Variants in CSRNP3 observed in about 807,000 individuals in gnomAD.
CSRNP3 encodes the protein cysteine/serine-rich nuclear protein 3.
Under a neutral mutation model 48.0 loss-of-function variants are expected in CSRNP3, and 12 were observed. The ratio of observed to expected loss-of-function variants is 0.25; its 90% CI spans 0.16 to 0.41. CSRNP3 has a LOEUF of 0.41. Among genes scored for constraint, CSRNP3 ranks in the 10% least tolerant of loss-of-function variants. CSRNP3 has a pLI of 1.00. For synonymous variants in CSRNP3, 263 were observed against 269.7 expected (o/e 0.98, Z 0.24); for missense variants, 580 against 724.4 (o/e 0.80, Z 2.29).
intron 6 of CSRNP3, among the ~76,000 whole-genome samples, chr2:165,677,385 C>A (rs535826278): frequency 1.6e-4 from 25 of 152,262 alleles, no homozygotes; most frequent in African/African-American, 5.3e-4. Context: ...AGTTTACCAA[C>A]CCCTGATGAC....
intron 3 of CSRNP3, among the ~76,000 whole-genome samples, chr2:165,531,290 T>G (rs1335362764): frequency 6.6e-6 from 1 of 152,202 alleles, no homozygotes; most frequent in South Asian, 2.1e-4. Flanking sequence ...CCATTTTGAA[T>G]TATTAGGTTG....
In CSRNP3 at chr2:165,684,505, A is replaced by G. The variant is rs149610517; in HGVS notation, c.*4752A>G. The G allele has an allele frequency of 6.6e-6, 1 of 152,204 alleles. No homozygotes were observed. Among genetic ancestry groups the G allele is most frequent in the East Asian group, 1.9e-4 (1 of 5,180 alleles). The allele number at this position is 152,204 out of a possible 1,614,324, so 9.4% of individuals were successfully genotyped here. A position where few individuals can be genotyped will look rare whatever the true frequency, so the allele number is the denominator to read the frequency against. ...AAGGCAAGACTTGTCTGTAATTTTA[A>G]ATTAGAACTGTTGGTTGTATTCTTA... On this transcript the variant is annotated 3_prime_UTR_variant, in exon 7 of 7. Transcript: ENST00000651982.
chr2:165,669,336 T>C (rs1263673616), intron 5 of CSRNP3, among the ~76,000 whole-genome samples: 1 of 152,242 alleles, frequency 6.6e-6, no homozygotes, highest in East Asian at 1.9e-4. Flanking sequence ...ATCTATACTT[T>C]TAGTATTGTT....
intron 3 of CSRNP3, among the ~76,000 whole-genome samples, chr2:165,543,465 A>G (rs1162810659): frequency 6.6e-6 from 1 of 152,124 alleles, no homozygotes; most frequent in Non-Finnish European, 1.5e-5. Flanking sequence ...CACATTTCCA[A>G]TATTATTTAG....
chr2:165,493,559 ACTAAT>A (rs1197649517), intron 1 of CSRNP3, among the ~76,000 whole-genome samples: 3 of 152,088 alleles, frequency 2.0e-5, no homozygotes, highest in Non-Finnish European at 4.4e-5. Context: ...TGTAAACAAA[ACTAAT>A]AAGAGAAAGA....
intron 3 of CSRNP3, among the ~76,000 whole-genome samples, chr2:165,591,790 A>G (rs369603292): frequency 6.6e-6 from 1 of 152,220 alleles, no homozygotes; most frequent in South Asian, 2.1e-4. Context: ...CGCAGGATGT[A>G]TGGAAATGCC....
At chr2:165,534,626 A>G (rs1261954010) in intron 3 of CSRNP3, among the ~76,000 whole-genome samples, 1 of 151,902 alleles carries the variant, frequency 6.6e-6, no homozygotes, top group Non-Finnish European at 1.5e-5. Context: ...GATTTAATAA[A>G]CTATCATAAA....
At chr2:165,647,197 A>G (rs1686827950) in intron 4 of CSRNP3, among the ~76,000 whole-genome samples, 1 of 152,226 alleles carries the variant, frequency 6.6e-6, no homozygotes, top group Admixed American at 6.5e-5. Flanking sequence ...ATAATTCTGA[A>G]AATATTAATG....
chr2:165,628,056 G>T (rs1031855625), intron 4 of CSRNP3, among the ~76,000 whole-genome samples: 3 of 152,272 alleles, frequency 2.0e-5, no homozygotes, highest in Admixed American at 6.5e-5. Context: ...GAAGAGAATG[G>T]TTAGTTTTTA....
At chr2:165,630,788 T>C (rs960905907) in intron 4 of CSRNP3, among the ~76,000 whole-genome samples, 1 of 152,224 alleles carries the variant, frequency 6.6e-6, no homozygotes, top group Non-Finnish European at 1.5e-5. Flanking sequence ...GTAATAAAAT[T>C]GATGATATTT....
intron 4 of CSRNP3, among the ~76,000 whole-genome samples, chr2:165,631,747 G>A (rs1196617306): frequency 6.6e-6 from 1 of 152,138 alleles, no homozygotes; most frequent in East Asian, 1.9e-4. Context: ...CAGCCTTGCA[G>A]GCCAAACCCA....
intron 1 of CSRNP3, among the ~76,000 whole-genome samples, chr2:165,481,599 G>A (rs1211275579): frequency 1.3e-5 from 2 of 152,158 alleles, no homozygotes; most frequent in Non-Finnish European, 2.9e-5. Flanking sequence ...TGTGGTGTGA[G>A]CCCTCATTCC....
In CSRNP3 at chr2:165,494,765, G is replaced by A. The variant is rs2105460647; in HGVS notation, c.-276G>A. 2 of 206,922 alleles carry A rather than the reference G, an allele frequency of 9.7e-6. No individual in the cohort carries two copies. Among genetic ancestry groups the A allele is most frequent in the East Asian group, 1.1e-4 (1 of 8,760 alleles). The allele number at this position is 206,922 out of a possible 1,614,324, so 12.8% of individuals were successfully genotyped here. ...GCTCCTGTTCCTGTTACAGGTACATGTGACAGCGTTGCAGCTATGAGTGGA... is the reference window on the plus strand; with the variant it reads ...GCTCCTGTTCCTGTTACAGGTACATATGACAGCGTTGCAGCTATGAGTGGA... On this transcript the variant is annotated 5_prime_UTR_variant, in exon 2 of 7. In the 5' UTR this introduces an upstream ATG that the reference lacks. Transcript: ENST00000651982.
chr2:165,477,881 G>A (rs1183956659), intron 1 of CSRNP3, among the ~76,000 whole-genome samples: 1 of 152,056 alleles, frequency 6.6e-6, no homozygotes, highest in Non-Finnish European at 1.5e-5. Flanking sequence ...GGAGGCCAAG[G>A]CAGGAGAATT....
intron 1 of CSRNP3, among the ~76,000 whole-genome samples, chr2:165,480,578 T>C (rs1684026976): frequency 6.6e-6 from 1 of 151,770 alleles, no homozygotes; most frequent in Non-Finnish European, 1.5e-5. Context: ...ATAGCAATAT[T>C]TTTTGCCACA....
intron 4 of CSRNP3, among the ~76,000 whole-genome samples, chr2:165,601,104 G>T (rs780832706): frequency 6.6e-6 from 1 of 152,168 alleles, no homozygotes; most frequent in African/African-American, 2.4e-5. Context: ...CATCAACCAA[G>T]GTCATATCTT....
chr2:165,554,878 A>C (rs908428189), intron 3 of CSRNP3, among the ~76,000 whole-genome samples: 4 of 152,142 alleles, frequency 2.6e-5, no homozygotes, highest in African/African-American at 7.2e-5. Context: ...AAATTATAAC[A>C]CTGTCTGCTG....
At chr2:165,652,824 G>A (rs1003680825) in intron 4 of CSRNP3, among the ~76,000 whole-genome samples, 1 of 152,132 alleles carries the variant, frequency 6.6e-6, no homozygotes, top group Admixed American at 6.5e-5. Flanking sequence ...GATTACAGGC[G>A]TGAGCCACCG....
chr2:165,623,198 C>G (rs1686370509), intron 4 of CSRNP3, among the ~76,000 whole-genome samples: 1 of 152,010 alleles, frequency 6.6e-6, no homozygotes, highest in South Asian at 2.1e-4. Context: ...GCAGGGGTGC[C>G]CAACCCCTGG....
Sources: allele counts gnomAD v4.1 joint callset (sites outside exome capture counted in the v4.1 genomes callset), GRCh38; gene constraint gnomAD v4.1.1; transcripts MANE v1.5; gene names NCBI Gene and HGNC (gene_info 2026-07-23, HGNC 2026-07-21).